ZNF415: variants seen among roughly 807,000 people sequenced by gnomAD.
ZNF415 encodes the protein zinc finger protein 415.
A neutral mutation model predicts 7.3 loss-of-function variants in ZNF415; 5 were observed. The observed-to-expected ratio is 0.69, with a 90% CI of 0.36 to 1.44. The LOEUF (loss-of-function observed/expected upper bound fraction) is 1.44, where lower values mean the gene tolerates loss of function less well. Among genes scored for constraint, ZNF415 ranks in the 40% most tolerant of loss-of-function variants. The probability of loss-of-function intolerance (pLI) is 0.04; values close to 1 mark genes in which losing one functional copy is unlikely to be tolerated. For synonymous variants in ZNF415, 207 were observed against 226.3 expected (o/e 0.91, Z 0.77); for missense variants, 628 against 664.8 (o/e 0.94, Z 0.61).
At position 53,115,920 on chromosome 19, in the gene ZNF415, T is replaced by C. The variant is rs765064408; in HGVS notation, c.136+393A>G. 1.8e-5 allele frequency: 15 copies of C among 842,180 alleles called. No homozygotes were observed. The African/African-American group carries it at 2.4e-4, about 13-fold the overall frequency. 52.2% of individuals were successfully genotyped at this position (842,180 alleles called of 1,614,324 possible). A position where few individuals can be genotyped will look rare whatever the true frequency, so the allele number is the denominator to read the frequency against. On this transcript the variant is annotated intron_variant, in intron 3 of 3. Transcript: ENST00000243643. ...GGATAAGAAGAGAGGCTATCACAGA[T>C]GGATCTAGGAAAATATTTCACAAAT...
In ZNF415 at chr19:53,116,440, G is replaced by C; in HGVS notation, c.16-7C>G. ...CCACGTCCCTGAATGTCAACTGTCC[G>C]TAAAATAATAAACACATTTCACCAA... On this transcript the variant is annotated splice_polypyrimidine_tract_variant and splice_region_variant and intron_variant, in intron 2 of 3. Transcript: ENST00000243643. The C allele has an allele frequency of 6.2e-7, 1 of 1,613,932 alleles. No individual in the cohort carries two copies. The highest frequency in any genetic ancestry group is 8.5e-7 in the Non-Finnish European group (1 of 1,179,982).
intron 3 of ZNF415, among the ~76,000 whole-genome samples, chr19:53,112,717 A>G (rs985480235): frequency 2.0e-5 from 3 of 152,238 alleles, no homozygotes; most frequent in African/African-American, 7.2e-5. Context: ...AGAGCACAGG[A>G]GAGGGAGTAA....
intron 1 of ZNF415, among the ~76,000 whole-genome samples, chr19:53,132,075 G>A (rs1431300660): frequency 6.6e-6 from 1 of 151,972 alleles, no homozygotes; most frequent in Admixed American, 6.6e-5. Flanking sequence ...GCTTTTTCTC[G>A]AAATGTGTCT....
At chr19:53,123,785 C>T (rs984676336) in intron 1 of ZNF415, 17 of 387,474 alleles carry the variant, frequency 4.4e-5, no homozygotes, top group Admixed American at 1.3e-4. Flanking sequence ...ATAAATTAAC[C>T]CACTTACAAT....
In ZNF415 at chr19:53,109,124, C is replaced by T. The variant is rs201269260; in HGVS notation, c.921G>A (p.Lys307=). Residue 307 remains lysine (K), a synonymous_variant, in exon 4 of 4, where the codon AAG becomes AAA. Transcript: ENST00000243643. ...EKPYKCYECD[K]VFSRNSCLAL... ...CAAGGCATGAATTTCGACTGAAGAC[C>T]TTGTCACACTCATAACATTTGTAAG... The T allele has an allele frequency of 6.2e-7, 1 of 1,613,874 alleles. No homozygotes were observed. The highest frequency in any genetic ancestry group is 1.7e-4 in the Middle Eastern group (1 of 6,060).
intron 1 of ZNF415, chr19:53,123,593 G>A (rs972440319): frequency 1.3e-5 from 5 of 398,832 alleles, no homozygotes; most frequent in East Asian, 3.6e-5. Context: ...CAGGAAGGAC[G>A]CATGCTTGGC....
At chr19:53,116,609 C>CTTTTTTTTTTTTTTTTTTTTTTT (rs1410295819) in intron 2 of ZNF415, among the ~76,000 whole-genome samples, 176 bp from the exon 3 acceptor site, 2 of 81,118 alleles carry the variant, frequency 2.5e-5, no homozygotes, top group Admixed American at 1.6e-4. Context: ...GGTTTTTTTT[C>CTTTTTTTTTTTTTTTTTTTTTTT]TCTCTTTTTT....
Position 53,109,429 on chromosome 19 carries a change from C to A in ZNF415, c.616G>T (p.Glu206Ter). Reference sequence around the variant, plus strand: ...TTTTCCCTAATGCATGATTTCTGTTCTTGTGTGAGTAATGAAGAACAGATG... The same window carrying A: ...TTTTCCCTAATGCATGATTTCTGTTATTGTGTGAGTAATGAAGAACAGATG... Reference protein sequence around the residue: ...DFICSSLLTQEQKSCIREKPY... With the variant: ...DFICSSLLTQ Residue 206 changes from glutamate to a stop codon, truncating the protein, a stop_gained, in exon 4 of 4, where the codon GAA becomes TAA. Coordinates refer to ENST00000243643, the MANE Select transcript of ZNF415 (RefSeq NM_018355.4). LOFTEE classifies it low-confidence loss of function (END_TRUNC). The A allele has an allele frequency of 6.2e-7, 1 of 1,614,068 alleles. No homozygotes were observed. The highest frequency in any genetic ancestry group is 8.5e-7 in the Non-Finnish European group (1 of 1,179,984).
intron 2 of ZNF415, among the ~76,000 whole-genome samples, chr19:53,119,444 C>CAAAAA: frequency 2.8e-5 from 1 of 35,090 alleles, no homozygotes; most frequent in Non-Finnish European, 4.8e-5. Flanking sequence ...GACTCCATCT[C>CAAAAA]AAAAAAAAAA....
At chr19:53,125,363 A>G (rs1431077659) in intron 1 of ZNF415, among the ~76,000 whole-genome samples, 1 of 147,794 alleles carries the variant, frequency 6.8e-6, no homozygotes. Context: ...TTTAAACAGG[A>G]TCTTGCTGTT....
intron 3 of ZNF415, among the ~76,000 whole-genome samples, chr19:53,111,216 T>A (rs1048119136): frequency 6.6e-6 from 1 of 152,100 alleles, no homozygotes; most frequent in South Asian, 2.1e-4. Context: ...CTTTCCATCA[T>A]GTGGGACAGT....
intron 2 of ZNF415, 36 bp downstream of exon 2, chr19:53,122,626 G>C: frequency 6.2e-7 from 1 of 1,613,830 alleles, no homozygotes; most frequent in Non-Finnish European, 8.5e-7. Context: ...TCTGAAAAGA[G>C]GGAGACAGAA....
intron 1 of ZNF415, among the ~76,000 whole-genome samples, chr19:53,126,018 CAAAA>C (rs58522981): frequency 9.0e-6 from 1 of 111,324 alleles, no homozygotes. Flanking sequence ...CTGGTGTAGA[CAAAA>C]AAAAAAAAAA....
At chr19:53,110,581 A>G (rs930336986) in intron 3 of ZNF415, among the ~76,000 whole-genome samples, 6 of 152,214 alleles carry the variant, frequency 3.9e-5, no homozygotes, top group Non-Finnish European at 1.5e-5. Context: ...TCATCTGTAA[A>G]CCATAACAAT....
intron 3 of ZNF415, among the ~76,000 whole-genome samples, chr19:53,113,836 G>T (rs919432894): frequency 6.6e-6 from 1 of 152,238 alleles, no homozygotes; most frequent in Non-Finnish European, 1.5e-5. Flanking sequence ...ATGATCATTA[G>T]TTTATGTGTC....
intron 1 of ZNF415, among the ~76,000 whole-genome samples, chr19:53,131,650 T>C (rs1185786588): frequency 6.6e-6 from 1 of 151,942 alleles, no homozygotes; most frequent in African/African-American, 2.4e-5. Flanking sequence ...TTTGAGCCCC[T>C]CTCCTCTCCT....
At position 53,109,657 on chromosome 19, in the gene ZNF415, T is replaced by C. The variant is rs780312058; in HGVS notation, c.388A>G (p.Ile130Val). 1 of 1,614,156 alleles carries C rather than the reference T, an allele frequency of 6.2e-7. No individual in the cohort carries two copies. The highest frequency in any genetic ancestry group is 1.1e-5 in the South Asian group (1 of 91,084). ...TGATGTTTAATAGACTTGTTTCCTA[T>C]ACCTCTTCTATCGCGTTGGTCTCTC... ...CRRDQRDRRG[I>V]GNKSIKHQLG... is the part of the protein sequence containing the mutation. Residue 130 changes from isoleucine to valine, a missense_variant, in exon 4 of 4, where the codon ATA becomes GTA. Transcript: ENST00000243643.
chr19:53,122,194 C>T (rs974569436), intron 2 of ZNF415, among the ~76,000 whole-genome samples: 15 of 152,142 alleles, frequency 9.9e-5, no homozygotes, highest in African/African-American at 3.1e-4. Context: ...TTCAGTGAGC[C>T]GAGATTGCGC....
chr19:53,132,553 C>T (rs912816264), intron 1 of ZNF415, among the ~76,000 whole-genome samples: 5 of 152,072 alleles, frequency 3.3e-5, no homozygotes, highest in Admixed American at 6.5e-5. Flanking sequence ...CCGACGAGGG[C>T]AAGGCTGGGA....
Sources: allele counts gnomAD v4.1 joint callset (sites outside exome capture counted in the v4.1 genomes callset), GRCh38; gene constraint gnomAD v4.1.1; transcripts MANE v1.5; gene names NCBI Gene and HGNC (gene_info 2026-07-23, HGNC 2026-07-21).